The following CSMD1 variants were observed in gnomAD, a reference collection of about 807,000 sequenced individuals.
The protein encoded by CSMD1 is CUB and sushi domain-containing protein 1.
CSMD1 carries 213 observed loss-of-function variants against 417.5 expected under a neutral mutation model. That is an observed-to-expected ratio of 0.51 (90% CI 0.46 to 0.57). The LOEUF (loss-of-function observed/expected upper bound fraction) is 0.57. Ranked by LOEUF, CSMD1 falls within the 20% of genes least tolerant of loss-of-function variation. The pLI is 0.00. For synonymous variants in CSMD1, 2,862 were observed against 1,736.8 expected (o/e 1.65, Z -16.11); for missense variants, 6,923 against 4,529.7 (o/e 1.53, Z -15.17).
chr8:4,416,636 T>C (rs1438802164), intron 3 of CSMD1, among the ~76,000 whole-genome samples: 3 of 152,026 alleles, frequency 2.0e-5, no homozygotes, highest in Non-Finnish European at 2.9e-5. Context: ...GAGAAAAATA[T>C]ATAAAGTACA....
At chr8:3,957,924 T>A (rs934405729) in intron 5 of CSMD1, among the ~76,000 whole-genome samples, 2 of 152,196 alleles carry the variant, frequency 1.3e-5, no homozygotes, top group African/African-American at 4.8e-5. Context: ...GTGATCTACT[T>A]CTCAGGGCAG....
At chr8:3,226,531 G>A (rs1798513924) in intron 27 of CSMD1, among the ~76,000 whole-genome samples, 1 of 146,342 alleles carries the variant, frequency 6.8e-6, no homozygotes, top group Non-Finnish European at 1.5e-5. Context: ...GCAGTGAGCT[G>A]AGATCACACC....
intron 6 of CSMD1, among the ~76,000 whole-genome samples, chr8:3,742,004 A>C (rs755641014): frequency 6.7e-6 from 1 of 149,872 alleles, no homozygotes; most frequent in Non-Finnish European, 1.5e-5. Flanking sequence ...AACCCTGCAA[A>C]TTGCCTTTCG....
chr8:3,364,899 C>T (rs1809451802), intron 20 of CSMD1, among the ~76,000 whole-genome samples: 1 of 152,190 alleles, frequency 6.6e-6, no homozygotes, highest in Admixed American at 6.5e-5. Context: ...GAGTTACTGT[C>T]AGACCTGTGG....
At chr8:4,135,642 A>G (rs1383369310) in intron 3 of CSMD1, among the ~76,000 whole-genome samples, 1 of 152,150 alleles carries the variant, frequency 6.6e-6, no homozygotes, top group African/African-American at 2.4e-5. Context: ...GATGTTTGGG[A>G]TAATATATGA....
chr8:3,218,912 A>G (rs1303041713), intron 29 of CSMD1, among the ~76,000 whole-genome samples: 1 of 152,192 alleles, frequency 6.6e-6, no homozygotes, highest in African/African-American at 2.4e-5. Context: ...ATGTACTTAC[A>G]TTTAATCATC....
intron 3 of CSMD1, among the ~76,000 whole-genome samples, chr8:4,114,185 T>C (rs1034632430): frequency 6.6e-6 from 1 of 152,204 alleles, no homozygotes; most frequent in African/African-American, 2.4e-5. Context: ...ACTCCTCTAT[T>C]AGGAGCTCAT....
At chr8:4,538,970 C>T (rs1337608377) in intron 2 of CSMD1, among the ~76,000 whole-genome samples, 1 of 152,162 alleles carries the variant, frequency 6.6e-6, no homozygotes, top group Non-Finnish European at 1.5e-5. Flanking sequence ...CTAATTCTGG[C>T]TTCAGTTCTA....
chr8:4,294,158 C>T (rs1023503389), intron 3 of CSMD1, among the ~76,000 whole-genome samples: 2 of 152,134 alleles, frequency 1.3e-5, no homozygotes, highest in Non-Finnish European at 2.9e-5. Flanking sequence ...GACCAGCAGC[C>T]ACTGTAAGAT....
intron 7 of CSMD1, among the ~76,000 whole-genome samples, chr8:3,678,191 G>A (rs1799477981): frequency 6.6e-6 from 1 of 152,178 alleles, no homozygotes; most frequent in Non-Finnish European, 1.5e-5. Flanking sequence ...GACGGAGAAT[G>A]ACTTTGATGA....
At chr8:4,272,134 C>T (rs1804640881) in intron 3 of CSMD1, among the ~76,000 whole-genome samples, 1 of 152,120 alleles carries the variant, frequency 6.6e-6, no homozygotes, top group Admixed American at 6.5e-5. Context: ...TGGCTGGACA[C>T]ATGGAGTCTT....
chr8:3,682,593 G>C (rs569596964), intron 7 of CSMD1, among the ~76,000 whole-genome samples: 125 of 152,286 alleles, frequency 8.2e-4, no homozygotes, highest in African/African-American at 2.9e-3. Context: ...CACTGTTGGT[G>C]GGACTGTAAA....
In CSMD1 at chr8:3,994,659, G is replaced by C. The variant is rs114221600; in HGVS notation, c.818+3244C>G. On this transcript the variant is annotated intron_variant, in intron 5 of 69. Coordinates refer to ENST00000635120, the MANE Select transcript of CSMD1 (RefSeq NM_033225.6). ...GTCAGTTTCAACTAATGTACCTATA[G>C]CCTATGAGGCTTAAATTACGAACCC... Among the ~76,000 whole-genome samples the C allele has an allele frequency of 3.5e-3, 527 of 151,916 alleles. 3 individuals carry two copies. The highest frequency in any genetic ancestry group is 0.012 in the African/African-American group (494 of 41,460).
intron 3 of CSMD1, among the ~76,000 whole-genome samples, chr8:4,401,778 C>G (rs1412644432): frequency 6.6e-6 from 1 of 152,152 alleles, no homozygotes; most frequent in Admixed American, 6.6e-5. Context: ...TCCCCGCAGC[C>G]CTGTCCAGCA....
chr8:3,847,896 CG>C (rs1353787613), intron 5 of CSMD1, among the ~76,000 whole-genome samples: 2 of 152,156 alleles, frequency 1.3e-5, no homozygotes, highest in African/African-American at 4.8e-5. Flanking sequence ...CAACTCTATC[CG>C]TTTTCTCTCC....
rs1320476008 is a variant in CSMD1 at position 4,575,262 on chromosome 8, C to T, written c.302+62080G>A. Among the ~76,000 whole-genome samples the T allele has an allele frequency of 2.6e-5, 4 of 152,132 alleles. No individual in the cohort carries two copies. The East Asian group carries it at 7.7e-4, about 29-fold the overall frequency. ...CCTTTTACAATTAAAAGGTGGAGAT[C>T]ATTCTCATTATTTTCATATATGATT... On this transcript the variant is annotated intron_variant, in intron 2 of 69. Coordinates refer to ENST00000635120, the MANE Select transcript of CSMD1 (RefSeq NM_033225.6).
chr8:4,121,506 T>G (rs1802485937), intron 3 of CSMD1, among the ~76,000 whole-genome samples: 1 of 152,156 alleles, frequency 6.6e-6, no homozygotes, highest in African/African-American at 2.4e-5. Flanking sequence ...TATAATAATA[T>G]TAATTGTAAC....
chr8:3,416,837 C>T (rs889038102), intron 12 of CSMD1, among the ~76,000 whole-genome samples: 5 of 152,326 alleles, frequency 3.3e-5, no homozygotes, highest in Admixed American at 2.0e-4. Flanking sequence ...CCATGAATGA[C>T]AGCTTTATCA....
intron 7 of CSMD1, among the ~76,000 whole-genome samples, chr8:3,619,445 G>A (rs374243399): frequency 1.3e-5 from 2 of 151,894 alleles, no homozygotes; most frequent in South Asian, 2.1e-4. Flanking sequence ...TCAAAGGGTC[G>A]AAATAAATCT....
Sources: allele counts gnomAD v4.1 joint callset (sites outside exome capture counted in the v4.1 genomes callset), GRCh38; gene constraint gnomAD v4.1.1; transcripts MANE v1.5; gene names NCBI Gene and HGNC (gene_info 2026-07-23, HGNC 2026-07-21).